FAT3: variants seen among roughly 807,000 people sequenced by gnomAD.
FAT3 encodes the protein protocadherin Fat 3.
FAT3 carries 95 observed loss-of-function variants against 310.2 expected under a neutral mutation model. The ratio of observed to expected loss-of-function variants is 0.31; its 90% CI spans 0.26 to 0.36. FAT3 has a LOEUF of 0.36. Ranked by LOEUF, FAT3 falls within the 10% of genes least tolerant of loss-of-function variation. The pLI is 1.00. For missense variants in FAT3, 5,408 were observed against 5,715.6 expected (o/e 0.95, Z 1.74); for synonymous variants, 2,314 against 2,192.9 (o/e 1.06, Z -1.54).
chr11:92,737,544 T>C lies in FAT3; in HGVS notation c.3670-24312T>C, dbSNP rs193161583. ...ACGTGTGTGTGTGTGTGTCTGTGTG[T>C]GTGAGAGAGAGAGAGAGGAATGTTT... On this transcript the variant is annotated intron_variant, in intron 4 of 27. Transcript: ENST00000525166. 7.2e-5 allele frequency among the ~76,000 whole-genome samples: 11 copies of C among 152,108 alleles called. No homozygotes were observed. The East Asian group carries it at 1.7e-3, about 24-fold the overall frequency.
At chr11:92,376,478 A>T (rs1432687796) in intron 2 of FAT3, among the ~76,000 whole-genome samples, 1 of 152,190 alleles carries the variant, frequency 6.6e-6, no homozygotes, top group East Asian at 1.9e-4. Flanking sequence ...TGGGGATCTC[A>T]CATGCTCACT....
At chr11:92,245,852 C>T (rs12786200) in intron 1 of FAT3, among the ~76,000 whole-genome samples, 33,827 of 152,066 alleles carry the variant, frequency 0.22, 3,888 homozygotes, top group East Asian at 0.39. Flanking sequence ...CTTGAACATT[C>T]AGGTTTAAGA....
At chr11:92,237,904 A>G (rs1293220934) in intron 1 of FAT3, among the ~76,000 whole-genome samples, 1 of 152,178 alleles carries the variant, frequency 6.6e-6, no homozygotes, top group Non-Finnish European at 1.5e-5. Context: ...TGGTGTGGGG[A>G]AAGAAGAAAA....
chr11:92,338,482 G>T (rs1471732431), intron 1 of FAT3, among the ~76,000 whole-genome samples: 1 of 152,078 alleles, frequency 6.6e-6, no homozygotes, highest in African/African-American at 2.4e-5. Flanking sequence ...TGCGGGGCAG[G>T]ATTTGACAGC....
rs80128059 is a variant in FAT3, at chr11:92,381,957, T to G, written c.3292+26553T>G. On this transcript the variant is annotated intron_variant, in intron 2 of 27. Coordinates refer to ENST00000525166, the MANE Select transcript of FAT3 (RefSeq NM_001367949.2). ...TTGTCCTTTCAGCAGGATTTTTGCTTCAAGAGTTTTTGTTGGTTCTTCATT... is the reference window on the plus strand; with the variant it reads ...TTGTCCTTTCAGCAGGATTTTTGCTGCAAGAGTTTTTGTTGGTTCTTCATT... 4.8e-4 allele frequency among the ~76,000 whole-genome samples: 73 copies of G among 152,300 alleles called. No individual in the cohort carries two copies. The East Asian group carries it at 0.013, about 28-fold the overall frequency.
chr11:92,294,324 T>A (rs982729308), intron 1 of FAT3, among the ~76,000 whole-genome samples: 2 of 152,052 alleles, frequency 1.3e-5, no homozygotes, highest in African/African-American at 2.4e-5. Context: ...CATCTCCAAA[T>A]ATAGCCACGC....
intron 3 of FAT3, among the ~76,000 whole-genome samples, chr11:92,641,957 T>G (rs1565480653): frequency 1.3e-5 from 2 of 152,222 alleles, no homozygotes; most frequent in African/African-American, 4.8e-5. Context: ...AACATGAGGT[T>G]GAAGGGAGGC....
chr11:92,868,506 C>A (rs7936456), intron 22 of FAT3, among the ~76,000 whole-genome samples: 4,255 of 152,230 alleles, frequency 0.028, 106 homozygotes, highest in African/African-American at 0.072. Flanking sequence ...CCCATTATGA[C>A]AAGTCATGGC....
chr11:92,554,500 A>G (rs1954945157), intron 3 of FAT3, among the ~76,000 whole-genome samples: 2 of 111,370 alleles, frequency 1.8e-5, no homozygotes, highest in African/African-American at 6.4e-5. Context: ...AAAAAAAAAG[A>G]ATGGAGGAGT....
intron 3 of FAT3, among the ~76,000 whole-genome samples, chr11:92,579,909 C>T (rs536705425): frequency 6.6e-6 from 1 of 152,186 alleles, no homozygotes; most frequent in African/African-American, 2.4e-5. Flanking sequence ...TAATTATATA[C>T]TCTCTGAATA....
chr11:92,274,736 T>C (rs1203571210), intron 1 of FAT3, among the ~76,000 whole-genome samples: 1 of 152,138 alleles, frequency 6.6e-6, no homozygotes, highest in African/African-American at 2.4e-5. Context: ...ATCTTAAATA[T>C]CATCTTAATA....
At position 92,801,921 on chromosome 11, in the gene FAT3, C is replaced by A. The variant is rs750153029; in HGVS notation, c.8896+12C>A. 5.6e-6 allele frequency: 9 copies of A among 1,604,792 alleles called. No homozygotes were observed. The Admixed American group carries it at 1.5e-4, about 27-fold the overall frequency. ...CTACCATATTACAGGTGAGTAAATA[C>A]CCCCAGTTTTCATTATGTGCACTGC... On this transcript the variant is annotated intron_variant, in intron 10 of 27. Coordinates refer to ENST00000525166, the MANE Select transcript of FAT3 (RefSeq NM_001367949.2).
At chr11:92,675,050 G>A (rs1050349454) in intron 3 of FAT3, among the ~76,000 whole-genome samples, 1 of 152,084 alleles carries the variant, frequency 6.6e-6, no homozygotes. Context: ...GAGAATGCTT[G>A]TTACCCTCAT....
intron 1 of FAT3, among the ~76,000 whole-genome samples, chr11:92,292,592 T>C (rs1285663282): frequency 6.6e-6 from 1 of 152,108 alleles, no homozygotes; most frequent in Admixed American, 6.5e-5. Flanking sequence ...ATTTTTGTGA[T>C]AGTGTATAAA....
chr11:92,840,905 A>G (rs1948530135), intron 18 of FAT3, 146 bp downstream of exon 18: 4 of 753,280 alleles, frequency 5.3e-6, no homozygotes, highest in Non-Finnish European at 5.9e-6. Flanking sequence ...CTCAAATTCA[A>G]TTTCACACCA....
intron 3 of FAT3, among the ~76,000 whole-genome samples, chr11:92,594,855 A>G (rs998741258): frequency 1.3e-5 from 2 of 152,168 alleles, no homozygotes; most frequent in African/African-American, 2.4e-5. Context: ...CTATTTTAGT[A>G]GTACATCTAA....
In FAT3 at chr11:92,394,970, C is replaced by G. The variant is rs141406867; in HGVS notation, c.3292+39566C>G. Among the ~76,000 whole-genome samples the G allele has an allele frequency of 2.9e-3, 441 of 152,256 alleles. 3 individuals are homozygous for G. The highest frequency in any genetic ancestry group is 9.8e-3 in the African/African-American group (406 of 41,550). ...AAGGCAGGGATGTCTGTTTTGTTTT[C>G]TGCCACACCCATTGGCTAGGAGAGT... On this transcript the variant is annotated intron_variant, in intron 2 of 27. Coordinates refer to ENST00000525166, the MANE Select transcript of FAT3 (RefSeq NM_001367949.2).
At chr11:92,836,796 C>T in intron 16 of FAT3, 93 bp downstream of exon 16, 1 of 1,431,362 alleles carries the variant, frequency 7.0e-7, no homozygotes, top group Non-Finnish European at 9.5e-7. Context: ...TAGGAAAGTT[C>T]TCCATTCTAA....
At chr11:92,254,988 G>A (rs1416964907) in intron 1 of FAT3, among the ~76,000 whole-genome samples, 2 of 152,150 alleles carry the variant, frequency 1.3e-5, no homozygotes, top group African/African-American at 4.8e-5. Context: ...TTACAGGTGT[G>A]AGCCACCTCA....
Sources: gnomAD v4.1 joint callset for allele counts (sites outside exome capture counted in the v4.1 genomes callset) on GRCh38, gnomAD v4.1.1 for gene constraint, MANE v1.5 for transcripts, NCBI Gene and HGNC (gene_info 2026-07-23, HGNC 2026-07-21) for gene names.